RASAL2: variants seen among roughly 807,000 people sequenced by gnomAD.
RASAL2 encodes RAS protein activator like 2, also known as ras GTPase-activating protein nGAP.
In RASAL2, 58 loss-of-function variants were observed where a neutral mutation model predicts 128.9. That is an observed-to-expected ratio of 0.45 (90% CI 0.36 to 0.56). The LOEUF is 0.56. RASAL2 is among the 20% of genes least tolerant of loss of function. The probability of loss-of-function intolerance (pLI) is 0.00; values close to 1 mark genes in which losing one functional copy is unlikely to be tolerated. For synonymous variants in RASAL2, 561 were observed against 580.8 expected (o/e 0.97, Z 0.49); for missense variants, 1,360 against 1,601.6 (o/e 0.85, Z 2.57).
At chr1:178,210,450 C>T (rs961571743) in intron 1 of RASAL2, among the ~76,000 whole-genome samples, 6 of 152,166 alleles carry the variant, frequency 3.9e-5, no homozygotes, top group African/African-American at 7.2e-5. Context: ...GAACATTATA[C>T]GAAATTATAG....
At chr1:178,361,419 T>G (rs1671100638) in intron 3 of RASAL2, among the ~76,000 whole-genome samples, 1 of 152,222 alleles carries the variant, frequency 6.6e-6, no homozygotes, top group Non-Finnish European at 1.5e-5. Context: ...CCCTTGACTT[T>G]TTTTTGAGTT....
At chr1:178,254,776 TC>T in intron 1 of RASAL2, among the ~76,000 whole-genome samples, 1 of 151,998 alleles carries the variant, frequency 6.6e-6, no homozygotes, top group Non-Finnish European at 1.5e-5. Context: ...AGCAGAGAAC[TC>T]CCCCAATTTA....
At chr1:178,142,607 T>A (rs1001735302) in intron 1 of RASAL2, among the ~76,000 whole-genome samples, 1 of 152,120 alleles carries the variant, frequency 6.6e-6, no homozygotes, top group Non-Finnish European at 1.5e-5. Context: ...TTGGGTTAGC[T>A]TTTTTAGATG....
At chr1:178,459,781 G>A (rs1678045471) in intron 14 of RASAL2, among the ~76,000 whole-genome samples, 1 of 152,046 alleles carries the variant, frequency 6.6e-6, no homozygotes, top group African/African-American at 2.4e-5. Context: ...TTTTTACTGA[G>A]TAATAAAGTT....
intron 1 of RASAL2, among the ~76,000 whole-genome samples, chr1:178,241,942 A>G (rs1443243896): frequency 3.3e-5 from 5 of 152,154 alleles, no homozygotes; most frequent in East Asian, 1.9e-4. Flanking sequence ...TCTCTCTTCA[A>G]TTCAATTTTT....
intron 4 of RASAL2, among the ~76,000 whole-genome samples, chr1:178,401,418 G>T (rs1010186138): frequency 6.6e-6 from 1 of 152,184 alleles, no homozygotes; most frequent in Non-Finnish European, 1.5e-5. Context: ...GAGTATCTTA[G>T]TTTGCTTCTC....
chr1:178,452,248 C>T (rs982468336), intron 10 of RASAL2, among the ~76,000 whole-genome samples, 168 bp from the exon 11 acceptor site: 1 of 152,104 alleles, frequency 6.6e-6, no homozygotes, highest in Non-Finnish European at 1.5e-5. Context: ...TGTGAATTTT[C>T]CACCGCCTCT....
chr1:178,132,223 A>ATT (rs57817232), intron 1 of RASAL2, among the ~76,000 whole-genome samples: 45 of 146,414 alleles, frequency 3.1e-4, no homozygotes, highest in East Asian at 1.6e-3. Context: ...AAAATTTTAA[A>ATT]TTTTTTTTTT....
intron 5 of RASAL2, among the ~76,000 whole-genome samples, chr1:178,429,350 T>G (rs1465915775): frequency 1.3e-5 from 2 of 152,120 alleles, no homozygotes; most frequent in African/African-American, 4.8e-5. Context: ...AACCCTGCCC[T>G]CTATGTATCT....
intron 1 of RASAL2, among the ~76,000 whole-genome samples, chr1:178,211,325 C>T (rs897209693): frequency 6.6e-6 from 1 of 152,158 alleles, no homozygotes; most frequent in Non-Finnish European, 1.5e-5. Flanking sequence ...TAGCTCACCT[C>T]CCTACCTTGA....
Position 178,298,311 on chromosome 1 carries a change from T to A in RASAL2, c.331-1681T>A, listed in dbSNP as rs558973650. 3.3e-5 allele frequency among the ~76,000 whole-genome samples: 5 copies of A among 152,342 alleles called. No individual in the cohort carries two copies. In the South Asian group the frequency reaches 1.0e-3, roughly 32 times the overall value. ...CTTCATGTCTTTATTGATGCTATTT[T>A]TTGGCCTCAGCTTATTTTTGTAATT... is the stretch of plus-strand genomic sequence containing the variant. On this transcript the variant is annotated intron_variant, in intron 2 of 17. Coordinates refer to ENST00000367649, the MANE Select transcript of RASAL2 (RefSeq NM_170692.4).
chr1:178,107,214 T>C (rs1659122746), intron 1 of RASAL2, among the ~76,000 whole-genome samples: 4 of 152,194 alleles, frequency 2.6e-5, no homozygotes, highest in Non-Finnish European at 5.9e-5. Flanking sequence ...CAGTAGTTTC[T>C]TTTGAAATAT....
At chr1:178,315,634 G>T (rs1380308035) in intron 3 of RASAL2, among the ~76,000 whole-genome samples, 3 of 141,906 alleles carry the variant, frequency 2.1e-5, no homozygotes, top group African/African-American at 8.6e-5. Flanking sequence ...TTTTGATGGG[G>T]TTGTTTGTTT....
chr1:178,238,363 G>A (rs1664347544), intron 1 of RASAL2, among the ~76,000 whole-genome samples: 1 of 152,162 alleles, frequency 6.6e-6, no homozygotes. Flanking sequence ...TATTAATTAT[G>A]CTACTATGAA....
At chr1:178,413,465 G>A (rs1674545603) in intron 4 of RASAL2, among the ~76,000 whole-genome samples, 1 of 152,184 alleles carries the variant, frequency 6.6e-6, no homozygotes, top group Admixed American at 6.5e-5. Context: ...GATCTAATAG[G>A]ACTTCAGAAT....
chr1:178,337,736 AT>A (rs375566366), intron 3 of RASAL2, among the ~76,000 whole-genome samples: 10,091 of 147,574 alleles, frequency 0.068, 442 homozygotes, highest in Middle Eastern at 0.15. Context: ...TATGCAAGTA[AT>A]TTTTTTTTTT....
At chr1:178,434,734 C>T (rs1007491346) in intron 5 of RASAL2, among the ~76,000 whole-genome samples, 3 of 151,094 alleles carry the variant, frequency 2.0e-5, no homozygotes, top group Admixed American at 6.6e-5. Flanking sequence ...AGAGCTCTGG[C>T]GAATGAGCTC....
intron 2 of RASAL2, among the ~76,000 whole-genome samples, chr1:178,297,861 C>CA (rs1667588446): frequency 6.6e-6 from 1 of 152,018 alleles, no homozygotes; most frequent in Non-Finnish European, 1.5e-5. Context: ...ATAGCAGAGA[C>CA]AAAATATGTC....
chr1:178,131,116 G>A (rs576971496), intron 1 of RASAL2, among the ~76,000 whole-genome samples: 1 of 151,682 alleles, frequency 6.6e-6, no homozygotes, highest in East Asian at 1.9e-4. Context: ...GTTAGGTTAC[G>A]AGATTAATTC....
Sources: gnomAD v4.1 joint callset for allele counts (sites outside exome capture counted in the v4.1 genomes callset) on GRCh38, gnomAD v4.1.1 for gene constraint, MANE v1.5 for transcripts, NCBI Gene and HGNC (gene_info 2026-07-23, HGNC 2026-07-21) for gene names.